The following KIF1B variants were observed in gnomAD, a reference collection of about 807,000 sequenced individuals.
KIF1B encodes kinesin family member 1B.
KIF1B carries 76 observed loss-of-function variants against 241.9 expected under a neutral mutation model. The observed-to-expected ratio is 0.31, with a 90% CI of 0.26 to 0.38. KIF1B has a LOEUF of 0.38. Among genes scored for constraint, KIF1B ranks in the 10% least tolerant of loss-of-function variants. The pLI is 1.00. For synonymous variants in KIF1B, 750 were observed against 796.7 expected (o/e 0.94, Z 0.99); for missense variants, 1,622 against 2,271.4 (o/e 0.71, Z 5.81).
At chr1:10,261,542 C>T (rs1001949670) in intron 4 of KIF1B, among the ~76,000 whole-genome samples, 13 of 151,978 alleles carry the variant, frequency 8.6e-5, no homozygotes, top group Non-Finnish European at 1.6e-4. Flanking sequence ...TTGCCCAGCC[C>T]AAATTTTTAA....
At chr1:10,308,109 C>A in intron 22 of KIF1B, 1 of 1,060,662 alleles carries the variant, frequency 9.4e-7, no homozygotes, top group Non-Finnish European at 1.1e-6. Flanking sequence ...AGACTTCCTG[C>A]AGTCAGCTGC....
rs1239258572 is a variant in KIF1B, at chr1:10,268,159, G to T, written c.616G>T (p.Ala206Ser). The change falls in exon 7 of 49, where the codon GCA (alanine) becomes TCA (serine). Residue 206 changes from alanine to serine, a missense_variant. Coordinates refer to ENST00000676179, the MANE Select transcript of KIF1B (RefSeq NM_001365951.3). ...MDAGNKARTVAATNMNETSSR... is the reference protein window; with the variant it reads ...MDAGNKARTVSATNMNETSSR... ...ACCTTTATGTTTATTTAGGACAGTG[G>T]CAGCTACAAACATGAATGAAACAAG... The T allele has an allele frequency of 6.2e-7, 1 of 1,611,860 alleles. No homozygotes were observed. The highest frequency in any genetic ancestry group is 1.3e-5 in the African/African-American group (1 of 74,852).
intron 4 of KIF1B, among the ~76,000 whole-genome samples, chr1:10,261,464 G>T (rs147821497): frequency 6.6e-6 from 1 of 151,628 alleles, no homozygotes; most frequent in African/African-American, 2.4e-5. Flanking sequence ...AGATGTTCTC[G>T]ATCTCCTGAC....
At chr1:10,280,020 T>C (rs1370797513) in intron 14 of KIF1B, among the ~76,000 whole-genome samples, 1 of 152,106 alleles carries the variant, frequency 6.6e-6, no homozygotes, top group Non-Finnish European at 1.5e-5. Context: ...TTTTCATAAG[T>C]CACAAATTAA....
chr1:10,352,793 C>T, intron 38 of KIF1B, 57 bp downstream of exon 38: 3 of 1,184,732 alleles, frequency 2.5e-6, no homozygotes, highest in Non-Finnish European at 3.8e-6. Context: ...AATTGGTACA[C>T]CGTTAGGTGC....
intron 41 of KIF1B, among the ~76,000 whole-genome samples, chr1:10,364,405 A>G (rs936886498): frequency 2.0e-5 from 3 of 151,730 alleles, no homozygotes; most frequent in Non-Finnish European, 4.4e-5. Flanking sequence ...GGGTTTCACT[A>G]TGTTGGCCAG....
At chr1:10,268,092 T>C (rs140938745) in intron 6 of KIF1B, 60 bp from the exon 7 acceptor site, 1 of 1,038,388 alleles carries the variant, frequency 9.6e-7, no homozygotes, top group African/African-American at 1.7e-5. Context: ...GAGCCTGCTG[T>C]CCATTTCAAC....
intron 22 of KIF1B, chr1:10,306,637 G>T (rs1184125519): frequency 1.7e-6 from 1 of 601,602 alleles, no homozygotes; most frequent in Non-Finnish European, 2.2e-6. Context: ...ATCAGGACGG[G>T]TGAACCCAGC....
intron 2 of KIF1B, among the ~76,000 whole-genome samples, chr1:10,242,835 A>T (rs997857268): frequency 6.6e-6 from 1 of 152,040 alleles, no homozygotes; most frequent in Admixed American, 6.6e-5. Context: ...ATCTTATGGG[A>T]CCACTCATAT....
chr1:10,235,250 A>G (rs1647035625), intron 2 of KIF1B, among the ~76,000 whole-genome samples: 1 of 151,830 alleles, frequency 6.6e-6, no homozygotes, highest in Non-Finnish European at 1.5e-5. Flanking sequence ...ACAAAGGATT[A>G]TTATTTTATT....
intron 45 of KIF1B, among the ~76,000 whole-genome samples, chr1:10,372,634 C>G (rs1473300293): frequency 7.9e-6 from 1 of 126,964 alleles, no homozygotes; most frequent in African/African-American, 3.1e-5. Context: ...GCCGAGATTG[C>G]GCCGCTGCGC....
chr1:10,283,017 C>G (rs995454182), intron 15 of KIF1B, among the ~76,000 whole-genome samples: 1 of 151,932 alleles, frequency 6.6e-6, no homozygotes, highest in Non-Finnish European at 1.5e-5. Flanking sequence ...ACCATCCTGG[C>G]TAACACGGTG....
At position 10,380,440 on chromosome 1, in the gene KIF1B, T is replaced by G; in HGVS notation, c.*3853T>G. 5.3e-6 allele frequency: 1 copy of G among 187,136 alleles called. No individual in the cohort carries two copies. The highest frequency in any genetic ancestry group is 1.1e-5 in the Non-Finnish European group (1 of 88,424). The allele number at this position is 187,136 out of a possible 1,614,324, so 11.6% of individuals were successfully genotyped here. On this transcript the variant is annotated 3_prime_UTR_variant, in exon 49 of 49. Coordinates refer to ENST00000676179, the MANE Select transcript of KIF1B (RefSeq NM_001365951.3). ...GAAAGATTCAACCGGGTGTGGTGGC[T>G]CACGCCTGTAATCCCAGCACATTGG... is the stretch of plus-strand genomic sequence containing the variant.
chr1:10,260,212 A>G (rs1388291057), intron 4 of KIF1B, among the ~76,000 whole-genome samples: 1 of 152,186 alleles, frequency 6.6e-6, no homozygotes, highest in Non-Finnish European at 1.5e-5. Context: ...TGAATACTAC[A>G]GGCAATTATA....
Position 10,305,939 on chromosome 1 carries a change from T to C in KIF1B, c.2115+8693T>C, listed in dbSNP as rs1051741948. ...TGGAAGATTCCTAAGTCACATGAAA[T>C]CATCTATCAAACACTTGTCTTCCAA... On this transcript the variant is annotated intron_variant, in intron 22 of 48. Coordinates refer to ENST00000676179, the MANE Select transcript of KIF1B (RefSeq NM_001365951.3). 11 of 1,054,558 alleles carry C rather than the reference T, an allele frequency of 1.0e-5. No individual in the cohort carries two copies. The African/African-American group carries it at 1.8e-4, about 17-fold the overall frequency. 65.3% of individuals were successfully genotyped at this position (1,054,558 alleles called of 1,614,324 possible).
chr1:10,367,146 G>A (rs1049137970), intron 43 of KIF1B, among the ~76,000 whole-genome samples: 8 of 151,526 alleles, frequency 5.3e-5, no homozygotes, highest in Non-Finnish European at 1.0e-4. Flanking sequence ...CACAGGCTGG[G>A]ATGCAGTGGC....
chr1:10,253,673 A>G (rs969901595), intron 2 of KIF1B, among the ~76,000 whole-genome samples: 1 of 152,168 alleles, frequency 6.6e-6, no homozygotes, highest in African/African-American at 2.4e-5. Context: ...GACAGAAAGT[A>G]CTTATGGCTC....
rs554448417 is a variant in KIF1B at position 10,328,482 on chromosome 1, C to T, written c.2924+2123C>T. Reference sequence around the variant, plus strand: ...CTGGCATATCGCCATGAATAGATAACGTAGAATTTCAGAGAAGCTGATTTT... The same window carrying T: ...CTGGCATATCGCCATGAATAGATAATGTAGAATTTCAGAGAAGCTGATTTT... On this transcript the variant is annotated intron_variant, in intron 27 of 48. Coordinates refer to ENST00000676179, the MANE Select transcript of KIF1B (RefSeq NM_001365951.3). 1.5e-4 allele frequency among the ~76,000 whole-genome samples: 23 copies of T among 152,234 alleles called. No individual in the cohort carries two copies. In the South Asian group the frequency reaches 2.7e-3, roughly 18 times the overall value.
intron 1 of KIF1B, 139 bp from the exon 2 acceptor site, chr1:10,232,111 T>G (rs1646991152): frequency 2.0e-6 from 1 of 507,916 alleles, no homozygotes; most frequent in Non-Finnish European, 3.6e-6. Flanking sequence ...AACAAAAGAT[T>G]TGCACGGGAG....
Sources: allele counts gnomAD v4.1 joint callset (sites outside exome capture counted in the v4.1 genomes callset), GRCh38; gene constraint gnomAD v4.1.1; transcripts MANE v1.5; gene names NCBI Gene and HGNC (gene_info 2026-07-23, HGNC 2026-07-21).